CTCF: variants seen among roughly 807,000 people sequenced by gnomAD.
The protein encoded by CTCF is CCCTC-binding factor, also known as transcriptional repressor CTCF.
Under a neutral mutation model 72.3 loss-of-function variants are expected in CTCF, and 7 were observed. The observed-to-expected ratio is 0.10, with a 90% CI of 0.06 to 0.18. The LOEUF (loss-of-function observed/expected upper bound fraction) is 0.18, where lower values mean the gene tolerates loss of function less well. Among genes scored for constraint, CTCF ranks in the 10% least tolerant of loss-of-function variants. The pLI, the probability that CTCF is intolerant of heterozygous loss-of-function variation, is 1.00. For missense variants in CTCF, 516 were observed against 949.1 expected, an observed-to-expected ratio of 0.54 and a Z score of 6.00; for synonymous variants, 374 against 315.8, an observed-to-expected ratio of 1.18 and a Z score of -1.95.
At chr16:67,605,309 C>G (rs1230330836) in intron 2 of CTCF, among the ~76,000 whole-genome samples, 1 of 152,150 alleles carries the variant, frequency 6.6e-6, no homozygotes, top group East Asian at 1.9e-4. Flanking sequence ...TAGCACTTTG[C>G]TCATTTTTAA....
intron 7 of CTCF, among the ~76,000 whole-genome samples, chr16:67,625,198 G>T (rs2052266920): frequency 6.6e-6 from 1 of 151,990 alleles, no homozygotes; most frequent in African/African-American, 2.4e-5. Context: ...AAAGTGCTGG[G>T]ATTCTTTTTG....
intron 2 of CTCF, among the ~76,000 whole-genome samples, chr16:67,594,541 T>C (rs1388844031): frequency 2.6e-5 from 4 of 151,970 alleles, no homozygotes; most frequent in Non-Finnish European, 5.9e-5. Flanking sequence ...TCTTTCAAAG[T>C]TTCTAAACTT....
At chr16:67,634,516 CTTTTTTTT>C (rs35780985) in intron 10 of CTCF, among the ~76,000 whole-genome samples, 1 of 104,162 alleles carries the variant, frequency 9.6e-6, no homozygotes. Flanking sequence ...CCTAAATGGG[CTTTTTTTT>C]TTTTTTTTTT....
At chr16:67,590,690 C>T (rs2051730675) in intron 2 of CTCF, among the ~76,000 whole-genome samples, 1 of 151,392 alleles carries the variant, frequency 6.6e-6, no homozygotes, top group African/African-American at 2.4e-5. Flanking sequence ...GGTGTGATGG[C>T]TCACACCTGT....
chr16:67,622,811 ATTTTTT>A (rs951749794), intron 7 of CTCF, among the ~76,000 whole-genome samples: 4 of 123,930 alleles, frequency 3.2e-5, no homozygotes, highest in African/African-American at 1.2e-4. Flanking sequence ...GCCCGGCTAA[ATTTTTT>A]TTTTTTTTTT....
chr16:67,615,832 T>A (rs1422665823), intron 4 of CTCF: 1 of 152,198 alleles, frequency 6.6e-6, no homozygotes, highest in Non-Finnish European at 1.5e-5. Context: ...TCCAGCATTC[T>A]CTTCATTCTC....
intron 2 of CTCF, among the ~76,000 whole-genome samples, chr16:67,579,462 G>A (rs2051550264): frequency 6.6e-6 from 1 of 151,504 alleles, no homozygotes. Context: ...AGGTTTAAGC[G>A]ATTCTCTTGT....
intron 2 of CTCF, among the ~76,000 whole-genome samples, chr16:67,580,772 ATTTTTTTTT>A (rs781616750): frequency 6.7e-5 from 8 of 120,220 alleles, no homozygotes; most frequent in African/African-American, 2.1e-4. Context: ...GCCTGGCCAA[ATTTTTTTTT>A]TTTTTTTTTT....
At chr16:67,564,784 AC>A (rs2051321168) in intron 1 of CTCF, among the ~76,000 whole-genome samples, 1 of 152,170 alleles carries the variant, frequency 6.6e-6, no homozygotes, top group South Asian at 2.1e-4. Flanking sequence ...TGCTCCATAG[AC>A]CATATTTTGC....
At chr16:67,634,204 G>C (rs922929249) in intron 10 of CTCF, among the ~76,000 whole-genome samples, 1 of 151,842 alleles carries the variant, frequency 6.6e-6, no homozygotes. Context: ...ATTTATTTTT[G>C]TTGTTATTTG....
chr16:67,628,890 C>G (rs1284480150), intron 9 of CTCF, among the ~76,000 whole-genome samples: 1 of 152,250 alleles, frequency 6.6e-6, no homozygotes, highest in East Asian at 1.9e-4. Context: ...GAAACACCGT[C>G]TCTACTAAAA....
At chr16:67,623,144 CAG>C (rs1371960156) in intron 7 of CTCF, among the ~76,000 whole-genome samples, 1 of 139,104 alleles carries the variant, frequency 7.2e-6, no homozygotes, top group African/African-American at 2.7e-5. Flanking sequence ...TTAGTAGAGA[CAG>C]GGTTTCACCA....
intron 2 of CTCF, among the ~76,000 whole-genome samples, chr16:67,586,014 C>T (rs545708363): frequency 1.3e-5 from 2 of 152,246 alleles, no homozygotes; most frequent in African/African-American, 4.8e-5. Context: ...ATGGTATTGC[C>T]TGCATTTTTT....
chr16:67,637,888 C>T lies in CTCF; in HGVS notation c.*16C>T, dbSNP rs772941283. The T allele has an allele frequency of 1.9e-6, 3 of 1,592,296 alleles. No homozygotes were observed. The highest frequency in any genetic ancestry group is 1.7e-5 in the Admixed American group (1 of 57,334). ...GGACCGGTGATGGCGGAGCCTTGTG[C>T]GTCGCCAGGACTTCTCTGGGCTGTG... On this transcript the variant is annotated 3_prime_UTR_variant, in exon 12 of 12. Transcript: ENST00000264010.
Position 67,590,582 on chromosome 16 carries a change from C to T in CTCF, c.-10+19318C>T, listed in dbSNP as rs556433953. On this transcript the variant is annotated intron_variant, in intron 2 of 11. Coordinates refer to ENST00000264010, the MANE Select transcript of CTCF (RefSeq NM_006565.4). ...TCGATCTCCTGACCTTGTGATCTGC[C>T]CACCTCGGCCTCCCAAAGTGCTGGG... is the stretch of plus-strand genomic sequence containing the variant. Among the ~76,000 whole-genome samples, 25 of 151,842 alleles carry T rather than the reference C, an allele frequency of 1.6e-4. No homozygotes were observed. In the South Asian group the frequency reaches 4.4e-3, roughly 26 times the overall value.
intron 4 of CTCF, chr16:67,615,806 C>T (rs2052125019): frequency 6.6e-6 from 1 of 152,172 alleles, no homozygotes; most frequent in Admixed American, 6.6e-5. Flanking sequence ...TTATTATACT[C>T]CAGTCACTCT....
Position 67,570,145 on chromosome 16 carries a change from C to G in CTCF, c.-126-1003C>G, listed in dbSNP as rs552448596. Among the ~76,000 whole-genome samples the G allele has an allele frequency of 6.9e-3, 1,027 of 149,516 alleles. 6 individuals carry two copies. The highest frequency in any genetic ancestry group is 0.017 in the Middle Eastern group (5 of 288). On this transcript the variant is annotated intron_variant, in intron 1 of 11. Coordinates refer to ENST00000264010, the MANE Select transcript of CTCF (RefSeq NM_006565.4). Reference sequence around the variant, plus strand: ...AGGCTGGAATGCAGTGGCAGGATCTCGGCTCACTGCAAGCTCCGCCTCCCG... The same window carrying G: ...AGGCTGGAATGCAGTGGCAGGATCTGGGCTCACTGCAAGCTCCGCCTCCCG...
intron 2 of CTCF, among the ~76,000 whole-genome samples, chr16:67,579,251 C>T (rs1010397685): frequency 6.6e-6 from 1 of 151,904 alleles, no homozygotes; most frequent in Non-Finnish European, 1.5e-5. Flanking sequence ...GAAACTCCGT[C>T]TCAAAATAAA....
Position 67,577,020 on chromosome 16 carries a change from A to G in CTCF, c.-10+5756A>G, listed in dbSNP as rs141001478. 2.0e-5 allele frequency among the ~76,000 whole-genome samples: 3 copies of G among 152,270 alleles called. No homozygotes were observed. The East Asian group carries it at 5.8e-4, about 29-fold the overall frequency. ...AAGCCAGAATGTGTGTATAAAACCT[A>G]TAGGTAGGTTTCTTTAAGCTTTCTC... On this transcript the variant is annotated intron_variant, in intron 2 of 11. Coordinates refer to ENST00000264010, the MANE Select transcript of CTCF (RefSeq NM_006565.4).
Sources: gnomAD v4.1 joint callset for allele counts (sites outside exome capture counted in the v4.1 genomes callset) on GRCh38, gnomAD v4.1.1 for gene constraint, MANE v1.5 for transcripts, NCBI Gene and HGNC (gene_info 2026-07-23, HGNC 2026-07-21) for gene names.